Variants in ATP8A2 observed in about 807,000 individuals in gnomAD.
ATP8A2 encodes the protein ATPase phospholipid transporting 8A2.
In ATP8A2, 100 loss-of-function variants were observed where a neutral mutation model predicts 165.6. The observed-to-expected ratio is 0.60, with a 90% CI of 0.51 to 0.71. The LOEUF is 0.71. Among genes scored for constraint, ATP8A2 ranks in the 30% least tolerant of loss-of-function variants. The pLI is 0.00. For missense variants in ATP8A2, 1,227 were observed against 1,479.5 expected, an observed-to-expected ratio of 0.83 and a Z score of 2.80; for synonymous variants, 543 against 548.8, an observed-to-expected ratio of 0.99 and a Z score of 0.15.
Position 25,672,101 on chromosome 13 carries a change from G to A in ATP8A2, c.2212-27072G>A, listed in dbSNP as rs150089462. ...GAGCAGCGTACTATTTTGCTCAGTG[G>A]GGGACACTGTAGGTCATAGAGTCCA... On this transcript the variant is annotated intron_variant, in intron 24 of 36. Transcript: ENST00000381655. Among the ~76,000 whole-genome samples the A allele has an allele frequency of 1.3e-4, 20 of 152,272 alleles. No individual in the cohort carries two copies. The East Asian group carries it at 3.9e-3, about 29-fold the overall frequency.
chr13:25,893,827 T>C (rs1258632379), intron 33 of ATP8A2, among the ~76,000 whole-genome samples: 1 of 152,098 alleles, frequency 6.6e-6, no homozygotes, highest in Admixed American at 6.5e-5. Flanking sequence ...TTTCATGTGT[T>C]TTTTGGCTGC....
At chr13:25,937,802 TGG>T (rs1954950544) in intron 33 of ATP8A2, among the ~76,000 whole-genome samples, 1 of 126,574 alleles carries the variant, frequency 7.9e-6, no homozygotes, top group African/African-American at 3.1e-5. Context: ...TGAGCCGAGA[TGG>T]CAACACTGCA....
At chr13:25,504,442 T>A (rs9581360) in intron 2 of ATP8A2, among the ~76,000 whole-genome samples, 2,819 of 129,842 alleles carry the variant, frequency 0.022, 40 homozygotes, top group African/African-American at 0.044. Flanking sequence ...TTTTTTTTTT[T>A]AAAAAGTATA....
At chr13:25,760,310 T>C (rs1004995902) in intron 25 of ATP8A2, among the ~76,000 whole-genome samples, 4 of 152,184 alleles carry the variant, frequency 2.6e-5, no homozygotes, top group Admixed American at 6.5e-5. Flanking sequence ...CAGTAAAATA[T>C]ATGTAGAGAG....
intron 24 of ATP8A2, among the ~76,000 whole-genome samples, chr13:25,594,460 G>GT (rs2040178917): frequency 2.6e-5 from 4 of 152,124 alleles, no homozygotes; most frequent in Non-Finnish European, 5.9e-5. Flanking sequence ...TTAGTGAACA[G>GT]GTGGTATTTG....
At chr13:25,796,389 G>T (rs192792675) in intron 27 of ATP8A2, among the ~76,000 whole-genome samples, 49 of 152,304 alleles carry the variant, frequency 3.2e-4, no homozygotes, top group Non-Finnish European at 5.9e-4. Context: ...AAGAAGGCAG[G>T]TGTGTGTTGT....
intron 13 of ATP8A2, among the ~76,000 whole-genome samples, chr13:25,556,466 G>A (rs2038984711): frequency 6.6e-6 from 1 of 151,954 alleles, no homozygotes; most frequent in African/African-American, 2.4e-5. Context: ...GGGTTGTTTG[G>A]TTTTTGCTTG....
intron 24 of ATP8A2, among the ~76,000 whole-genome samples, chr13:25,626,944 AC>A (rs2041116482): frequency 6.6e-6 from 1 of 152,118 alleles, no homozygotes; most frequent in African/African-American, 2.4e-5. Flanking sequence ...CTTATTCACT[AC>A]CACAAAAGCA....
At chr13:25,510,357 A>G (rs1226277219) in intron 2 of ATP8A2, among the ~76,000 whole-genome samples, 1 of 152,262 alleles carries the variant, frequency 6.6e-6, no homozygotes, top group Non-Finnish European at 1.5e-5. Context: ...GATGAAAAGA[A>G]GAAAGAAAGA....
chr13:25,833,639 G>A (rs984952299), intron 28 of ATP8A2, among the ~76,000 whole-genome samples: 6 of 152,044 alleles, frequency 3.9e-5, no homozygotes, highest in African/African-American at 1.4e-4. Flanking sequence ...ATCACAATTG[G>A]CTCTTTATCT....
At chr13:25,808,282 A>G (rs2138497418) in intron 27 of ATP8A2, among the ~76,000 whole-genome samples, 1 of 152,072 alleles carries the variant, frequency 6.6e-6, no homozygotes, top group East Asian at 1.9e-4. Context: ...GGCATGCACT[A>G]CCATGTCCAG....
intron 25 of ATP8A2, among the ~76,000 whole-genome samples, chr13:25,768,091 G>C (rs1161754059): frequency 8.3e-6 from 1 of 120,750 alleles, no homozygotes; most frequent in Non-Finnish European, 1.7e-5. Flanking sequence ...GGGGGGTGGT[G>C]GGGGGGCAAG....
chr13:25,722,406 A>G (rs2043401219), intron 25 of ATP8A2, among the ~76,000 whole-genome samples: 1 of 152,178 alleles, frequency 6.6e-6, no homozygotes. Context: ...CATTCCCTAT[A>G]GGGTGCTGCC....
chr13:25,444,272 A>AT (rs1468971837), intron 1 of ATP8A2, among the ~76,000 whole-genome samples: 24 of 152,034 alleles, frequency 1.6e-4, no homozygotes, highest in Non-Finnish European at 1.3e-4. Flanking sequence ...TGTGTGATTG[A>AT]TCCCCACCTG....
intron 23 of ATP8A2, 115 bp from the exon 24 acceptor site, chr13:25,589,520 T>G: frequency 1.4e-6 from 1 of 712,756 alleles, no homozygotes; most frequent in South Asian, 1.9e-5. Flanking sequence ...ACTGTTACCC[T>G]ATTCCTCTGT....
chr13:26,001,141 C>T (rs1956624361), intron 35 of ATP8A2, among the ~76,000 whole-genome samples: 2 of 152,190 alleles, frequency 1.3e-5, no homozygotes, highest in South Asian at 4.1e-4. Context: ...AATACACAGC[C>T]TTTGAGGTTG....
intron 24 of ATP8A2, among the ~76,000 whole-genome samples, chr13:25,654,451 G>A (rs867542334): frequency 2.6e-5 from 4 of 152,250 alleles, no homozygotes; most frequent in South Asian, 2.1e-4. Flanking sequence ...TGATCTGCCC[G>A]CCTTGGCCTC....
chr13:25,487,847 C>T (rs1392683846), intron 2 of ATP8A2, among the ~76,000 whole-genome samples: 4 of 146,732 alleles, frequency 2.7e-5, no homozygotes, highest in Non-Finnish European at 4.5e-5. Flanking sequence ...CTCTTTCTTT[C>T]TTTTTTTTTT....
At chr13:25,539,378 G>A (rs942017533) in intron 7 of ATP8A2, among the ~76,000 whole-genome samples, 1 of 151,742 alleles carries the variant, frequency 6.6e-6, no homozygotes, top group Non-Finnish European at 1.5e-5. Context: ...ATCTCAAAGT[G>A]CTGGGGTTAC....
Sources: allele counts gnomAD v4.1 joint callset (sites outside exome capture counted in the v4.1 genomes callset), GRCh38; gene constraint gnomAD v4.1.1; transcripts MANE v1.5; gene names NCBI Gene and HGNC (gene_info 2026-07-23, HGNC 2026-07-21).